The following EEIG2 variants were observed in gnomAD, a reference collection of about 807,000 sequenced individuals.
EEIG2 encodes family with sequence similarity 102 member B.
the EEIG2 span, chr1:108,629,918 C>T: frequency 2.4e-6 from 1 of 424,804 alleles, no homozygotes; most frequent in Non-Finnish European, 4.3e-6. Context: ...ACCAGTAGAC[C>T]ATTGGGAAAG....
chr1:108,605,325 C>G, the EEIG2 span, among the ~76,000 whole-genome samples: 3 of 151,982 alleles, frequency 2.0e-5, no homozygotes, highest in African/African-American at 7.3e-5. Flanking sequence ...AGTGGGATGG[C>G]CACACCTGAA....
At chr1:108,626,136 A>G in the EEIG2 span, 1 of 152,050 alleles carries the variant, frequency 6.6e-6, no homozygotes, top group African/African-American at 2.4e-5. Context: ...TTCCCTTTAC[A>G]TATTGATGTT....
chr1:108,591,014 T>C, the EEIG2 span, among the ~76,000 whole-genome samples: 1 of 152,232 alleles, frequency 6.6e-6, no homozygotes, highest in Non-Finnish European at 1.5e-5. Context: ...TGTCAGCAGC[T>C]GTATCACTTT....
chr1:108,606,281 G>C, the EEIG2 span: 3 of 1,490,378 alleles, frequency 2.0e-6, no homozygotes, highest in Non-Finnish European at 2.7e-6. Context: ...AACTGTTTTG[G>C]AACATGTAAT....
chr1:108,600,750 T>C, the EEIG2 span: 1,280 of 1,525,074 alleles, frequency 8.4e-4, 6 homozygotes, highest in African/African-American at 0.015. Flanking sequence ...AGTCACTGGC[T>C]GGCTTTGTTT....
chr1:108,614,753 C>T, the EEIG2 span, among the ~76,000 whole-genome samples: 9 of 152,168 alleles, frequency 5.9e-5, no homozygotes, highest in African/African-American at 2.2e-4. Context: ...TCATCCTCAT[C>T]AACATATAAA....
the EEIG2 span, among the ~76,000 whole-genome samples, chr1:108,586,924 A>G: frequency 6.6e-6 from 1 of 152,170 alleles, no homozygotes; most frequent in East Asian, 1.9e-4. Flanking sequence ...CAAGTAACCT[A>G]CTAATTTGGT....
chr1:108,611,620 C>T, the EEIG2 span, among the ~76,000 whole-genome samples: 3 of 152,186 alleles, frequency 2.0e-5, no homozygotes, highest in Non-Finnish European at 2.9e-5. Context: ...AAAGAGAAGG[C>T]ACTGGTACCA....
At chr1:108,610,198 G>A in the EEIG2 span, among the ~76,000 whole-genome samples, 7 of 152,176 alleles carry the variant, frequency 4.6e-5, no homozygotes, top group Non-Finnish European at 1.5e-5. Context: ...AATCCAGCAT[G>A]TTTGTGTGCT....
At chr1:108,635,192 T>A in the EEIG2 span, 11 of 1,610,058 alleles carry the variant, frequency 6.8e-6, no homozygotes, top group Admixed American at 1.7e-5. Flanking sequence ...ATTTAAGATG[T>A]GAGTAGTTGA....
chr1:108,560,954 C>T, the EEIG2 span, among the ~76,000 whole-genome samples: 1 of 152,222 alleles, frequency 6.6e-6, no homozygotes, highest in Non-Finnish European at 1.5e-5. Flanking sequence ...GAAACCTGTG[C>T]TTAGCACAAT....
the EEIG2 span, among the ~76,000 whole-genome samples, chr1:108,571,894 CTTGCCA>C: frequency 1.3e-5 from 2 of 152,094 alleles, no homozygotes; most frequent in Non-Finnish European, 2.9e-5. Context: ...CCTTCTGTTC[CTTGCCA>C]TTTCTCTGTA....
At chr1:108,560,761 T>A in the EEIG2 span, among the ~76,000 whole-genome samples, 4 of 152,094 alleles carry the variant, frequency 2.6e-5, no homozygotes, top group Non-Finnish European at 5.9e-5. Flanking sequence ...TGACTCCAGA[T>A]GGTGCCTGGT....
At chr1:108,631,228 C>G in the EEIG2 span, 1 of 278,884 alleles carries the variant, frequency 3.6e-6, no homozygotes, top group Non-Finnish European at 7.4e-6. Flanking sequence ...GGCTTATGGT[C>G]TAGCACATGG....
the EEIG2 span, among the ~76,000 whole-genome samples, chr1:108,582,963 A>G: frequency 6.8e-6 from 1 of 147,752 alleles, no homozygotes; most frequent in South Asian, 2.1e-4. Flanking sequence ...TTTAGGTAAT[A>G]TGATTTGAAC....
chr1:108,575,674 G>C, the EEIG2 span, among the ~76,000 whole-genome samples: 1 of 152,188 alleles, frequency 6.6e-6, no homozygotes, highest in Non-Finnish European at 1.5e-5. Context: ...CATGGATGAA[G>C]CTTGAAAACA....
At chr1:108,599,179 C>CA in the EEIG2 span, among the ~76,000 whole-genome samples, 168 of 145,184 alleles carry the variant, frequency 1.2e-3, 1 homozygote, top group East Asian at 0.018. Context: ...ACAACAACAA[C>CA]AAAAAAAAAA....
chr1:108,627,780 A>G, the EEIG2 span: 1 of 170,614 alleles, frequency 5.9e-6, no homozygotes, highest in Admixed American at 5.8e-5. Context: ...AAAACCTACC[A>G]ATTTTGTGAA....
At chr1:108,635,092 TC>T in the EEIG2 span, 3 of 1,613,926 alleles carry the variant, frequency 1.9e-6, no homozygotes, top group Non-Finnish European at 2.5e-6. Flanking sequence ...GAAGTTTTTT[TC>T]CACTGCTGTT....
Sources: allele counts gnomAD v4.1 joint callset (sites outside exome capture counted in the v4.1 genomes callset), GRCh38; gene constraint gnomAD v4.1.1; transcripts MANE v1.5; gene names NCBI Gene and HGNC (gene_info 2026-07-23, HGNC 2026-07-21).